The following SH3BGRL2 variants were observed in gnomAD, a reference collection of about 807,000 sequenced individuals.
The protein encoded by SH3BGRL2 is SH3 domain binding glutamate rich protein like 2.
Under a neutral mutation model 14.8 loss-of-function variants are expected in SH3BGRL2, and 21 were observed. The observed-to-expected ratio is 1.42, with a 90% confidence interval of 1.01 to 2.05. The LOEUF (loss-of-function observed/expected upper bound fraction) is 2.05. Ranked by LOEUF, SH3BGRL2 falls within the 30% of genes most tolerant of loss-of-function variation. The pLI is 0.00. For synonymous variants in SH3BGRL2, 50 were observed against 47.8 expected (o/e 1.05, Z -0.19); for missense variants, 147 against 130.8 (o/e 1.12, Z -0.61).
the SH3BGRL2 span, among the ~76,000 whole-genome samples, chr6:79,578,323 A>C: frequency 4.6e-5 from 7 of 152,182 alleles, no homozygotes; most frequent in Non-Finnish European, 1.0e-4. Flanking sequence ...CTGCCTCCTC[A>C]AGTGGGTCCC....
chr6:79,699,324 G>C (rs930468383), intron 3 of SH3BGRL2, among the ~76,000 whole-genome samples, 174 bp from the exon 4 acceptor site: 6 of 151,950 alleles, frequency 3.9e-5, no homozygotes, highest in Non-Finnish European at 7.4e-5. Flanking sequence ...TTAAATCTGG[G>C]CTCTGATGCT....
chr6:79,663,478 C>CTGCAGAACGGCAAATAT (rs1554203040), intron 1 of SH3BGRL2, among the ~76,000 whole-genome samples: 4 of 152,198 alleles, frequency 2.6e-5, no homozygotes, highest in African/African-American at 9.7e-5. Context: ...CCAGCAGAGG[C>CTGCAGAACGGCAAATAT]TGCAGAACAG....
At chr6:79,597,338 AAAG>A in the SH3BGRL2 span, among the ~76,000 whole-genome samples, 41 of 150,358 alleles carry the variant, frequency 2.7e-4, no homozygotes, top group Admixed American at 7.9e-4. Context: ...AGAAAAGAAA[AAAG>A]AAAAGAAAGA....
chr6:79,653,303 C>T (rs1016800173), intron 1 of SH3BGRL2, among the ~76,000 whole-genome samples: 1 of 152,080 alleles, frequency 6.6e-6, no homozygotes, highest in African/African-American at 2.4e-5. Context: ...GGTGTGTTCC[C>T]TTTCACATGT....
intron 1 of SH3BGRL2, among the ~76,000 whole-genome samples, chr6:79,638,764 T>C (rs1328598921): frequency 6.6e-6 from 1 of 152,188 alleles, no homozygotes; most frequent in Admixed American, 6.6e-5. Context: ...GCTATCTGTT[T>C]AGATCACTTA....
At chr6:79,597,499 G>A in the SH3BGRL2 span, among the ~76,000 whole-genome samples, 1 of 152,076 alleles carries the variant, frequency 6.6e-6, no homozygotes, top group African/African-American at 2.4e-5. Context: ...CAACAAGTGT[G>A]CTAAGATAAT....
chr6:79,590,424 G>GAGATATATATATAT, the SH3BGRL2 span, among the ~76,000 whole-genome samples: 28 of 66,682 alleles, frequency 4.2e-4, 1 homozygote, highest in African/African-American at 1.8e-3. Context: ...AAGAAAATGT[G>GAGATATATATATAT]ATATATATAT....
the SH3BGRL2 span, among the ~76,000 whole-genome samples, chr6:79,566,591 T>C: frequency 6.6e-6 from 1 of 152,330 alleles, no homozygotes; most frequent in East Asian, 1.9e-4. Context: ...TGATAAATTA[T>C]AAAATCTTTG....
chr6:79,699,242 A>G (rs1310229334), intron 3 of SH3BGRL2, among the ~76,000 whole-genome samples: 1 of 152,058 alleles, frequency 6.6e-6, no homozygotes, highest in Admixed American at 6.5e-5. Flanking sequence ...CTCTGAGAGG[A>G]ATCTCAGTAG....
At position 79,703,085 on chromosome 6, in the gene SH3BGRL2, G is replaced by A. The variant is rs191009034; in HGVS notation, c.*3576G>A. ...AAACCAAAATGATCACTGCCTACTT[G>A]TGATTCAAATCTTCAGAGTTTTCCT... is the stretch of plus-strand genomic sequence containing the variant. On this transcript the variant is annotated 3_prime_UTR_variant, in exon 4 of 4. Coordinates refer to ENST00000369838, the MANE Select transcript of SH3BGRL2 (RefSeq NM_031469.4). The A allele has an allele frequency of 1.3e-5, 2 of 152,324 alleles. No homozygotes were observed. The highest frequency in any genetic ancestry group is 4.8e-5 in the African/African-American group (2 of 41,574). 9.4% of individuals were successfully genotyped at this position (152,324 alleles called of 1,614,324 possible).
the SH3BGRL2 span, among the ~76,000 whole-genome samples, chr6:79,553,967 C>CAA: frequency 0.22 from 27,479 of 126,324 alleles, 2,613 homozygotes; most frequent in Admixed American, 0.25. Context: ...GACTCTGTCT[C>CAA]AAAAAAAAAA....
the SH3BGRL2 span, among the ~76,000 whole-genome samples, chr6:79,589,610 G>A: frequency 1.3e-5 from 2 of 152,222 alleles, no homozygotes; most frequent in African/African-American, 4.8e-5. Context: ...AAGAGATTGG[G>A]TCTTCAGAGA....
chr6:79,572,667 G>A, the SH3BGRL2 span, among the ~76,000 whole-genome samples: 23,210 of 151,802 alleles, frequency 0.15, 2,206 homozygotes, highest in South Asian at 0.22. Flanking sequence ...GGGTTTCACT[G>A]TGTTAGCCAG....
the SH3BGRL2 span, among the ~76,000 whole-genome samples, chr6:79,570,202 A>G: frequency 3.9e-5 from 6 of 152,216 alleles, no homozygotes; most frequent in Admixed American, 1.3e-4. Flanking sequence ...CCATGCTGCT[A>G]TCATTACAAG....
the SH3BGRL2 span, among the ~76,000 whole-genome samples, chr6:79,551,936 C>A: frequency 0.012 from 1,883 of 151,946 alleles, 36 homozygotes; most frequent in African/African-American, 0.043. Context: ...CGAAAAATAC[C>A]AAAAATTAGC....
chr6:79,654,940 A>G (rs1769374894), intron 1 of SH3BGRL2, among the ~76,000 whole-genome samples: 1 of 152,198 alleles, frequency 6.6e-6, no homozygotes, highest in African/African-American at 2.4e-5. Context: ...CCTAGCAGGA[A>G]GGTACACTTT....
At position 79,700,985 on chromosome 6, in the gene SH3BGRL2, A is replaced by G. The variant is rs1770443641; in HGVS notation, c.*1476A>G. On this transcript the variant is annotated 3_prime_UTR_variant, in exon 4 of 4. Coordinates refer to ENST00000369838, the MANE Select transcript of SH3BGRL2 (RefSeq NM_031469.4). ...AGCAGAAGAATTACAGCCCTGTCACATGTGCCCAGCACTCCGCCCCATGCC... is the reference window on the plus strand; with the variant it reads ...AGCAGAAGAATTACAGCCCTGTCACGTGTGCCCAGCACTCCGCCCCATGCC... 1.3e-5 allele frequency: 2 copies of G among 152,186 alleles called. No individual in the cohort carries two copies. Among genetic ancestry groups the G allele is most frequent in the South Asian group, 4.1e-4 (2 of 4,834 alleles). 9.4% of individuals were successfully genotyped at this position (152,186 alleles called of 1,614,324 possible).
At chr6:79,624,358 T>C in the SH3BGRL2 span, among the ~76,000 whole-genome samples, 7 of 150,954 alleles carry the variant, frequency 4.6e-5, no homozygotes, top group East Asian at 1.4e-3. Flanking sequence ...TTAATATTTT[T>C]GATTAATATA....
intron 1 of SH3BGRL2, among the ~76,000 whole-genome samples, chr6:79,645,413 G>A (rs1292671940): frequency 6.6e-6 from 1 of 152,044 alleles, no homozygotes; most frequent in African/African-American, 2.4e-5. Context: ...CTTGATCCTG[G>A]CACCTCACTC....
Sources: allele counts gnomAD v4.1 joint callset (sites outside exome capture counted in the v4.1 genomes callset), GRCh38; gene constraint gnomAD v4.1.1; transcripts MANE v1.5; gene names NCBI Gene and HGNC (gene_info 2026-07-23, HGNC 2026-07-21).